PIAS2: variants seen among roughly 807,000 people sequenced by gnomAD.
The protein encoded by PIAS2 is E3 SUMO-protein ligase PIAS2.
In PIAS2, 19 loss-of-function variants were observed where a neutral mutation model predicts 69.7. That is an observed-to-expected ratio of 0.27 (90% CI 0.19 to 0.40). PIAS2 has a LOEUF of 0.40. Among genes scored for constraint, PIAS2 ranks in the 10% least tolerant of loss-of-function variants. The probability of loss-of-function intolerance (pLI) is 1.00; values close to 1 mark genes in which losing one functional copy is unlikely to be tolerated. For missense variants in PIAS2, 624 were observed against 757.0 expected (o/e 0.82, Z 2.06); for synonymous variants, 261 against 263.2 (o/e 0.99, Z 0.08).
At chr18:46,832,808 C>T (rs1420810092) in intron 9 of PIAS2, among the ~76,000 whole-genome samples, 1 of 148,582 alleles carries the variant, frequency 6.7e-6, no homozygotes, top group Admixed American at 6.8e-5. Flanking sequence ...AGGAGAATCA[C>T]TTGAACCTGG....
intron 1 of PIAS2, among the ~76,000 whole-genome samples, chr18:46,915,946 G>C (rs967551596): frequency 6.6e-6 from 1 of 152,126 alleles, no homozygotes; most frequent in African/African-American, 2.4e-5. Context: ...TTCAGGGTTC[G>C]TTGTTTGAAA....
intron 12 of PIAS2, chr18:46,817,421 T>C: frequency 8.3e-6 from 8 of 966,730 alleles, no homozygotes; most frequent in South Asian, 9.6e-5. Flanking sequence ...AAATTAAAAA[T>C]TGAAGCTCTA....
chr18:46,868,313 C>T (rs941430436), intron 2 of PIAS2, among the ~76,000 whole-genome samples: 2 of 152,196 alleles, frequency 1.3e-5, no homozygotes, highest in African/African-American at 2.4e-5. Context: ...ACTACTTCTG[C>T]CAGTCCCAAT....
rs1197709120 is a variant in PIAS2 at position 46,805,880 on chromosome 18, T to G, written c.*6553A>C. ...CATTTCTGAAATCCCATGCTTAACA[T>G]TCATCACTGTCTCCCATACATGATT... is the stretch of plus-strand genomic sequence containing the variant. On this transcript the variant is annotated 3_prime_UTR_variant, in exon 14 of 14. Coordinates refer to ENST00000585916, the MANE Select transcript of PIAS2 (RefSeq NM_004671.5). 6.6e-6 allele frequency: 1 copy of G among 152,192 alleles called. No individual in the cohort carries two copies. The highest frequency in any genetic ancestry group is 1.9e-4 in the East Asian group (1 of 5,198). 9.4% of individuals were successfully genotyped at this position (152,192 alleles called of 1,614,324 possible).
At chr18:46,913,385 T>C (rs2057467779) in intron 1 of PIAS2, among the ~76,000 whole-genome samples, 2 of 152,168 alleles carry the variant, frequency 1.3e-5, no homozygotes, top group Admixed American at 6.5e-5. Context: ...TTTACCCAGT[T>C]TGGTAAATGT....
intron 11 of PIAS2, among the ~76,000 whole-genome samples, chr18:46,825,694 T>G (rs1355525594): frequency 1.3e-5 from 2 of 152,228 alleles, no homozygotes; most frequent in African/African-American, 4.8e-5. Context: ...CTGGACACTA[T>G]GCTTATTTTA....
chr18:46,895,578 G>A (rs2054724816), intron 1 of PIAS2, among the ~76,000 whole-genome samples: 1 of 152,192 alleles, frequency 6.6e-6, no homozygotes, highest in Non-Finnish European at 1.5e-5. Flanking sequence ...GGCTGAGGCA[G>A]GAGAAATGCT....
rs2043458882 is a variant in PIAS2, at chr18:46,830,563, C to T, written c.1203-696G>A. Among the ~76,000 whole-genome samples the T allele has an allele frequency of 6.6e-5, 10 of 150,398 alleles. No homozygotes were observed. The South Asian group carries it at 2.1e-3, about 32-fold the overall frequency. On this transcript the variant is annotated intron_variant, in intron 9 of 13. Coordinates refer to ENST00000585916, the MANE Select transcript of PIAS2 (RefSeq NM_004671.5). ...GTCTCAAATCAGTAACTTTATGAAA[C>T]TAGAAAAAAAAGCAAATTATAGTAA...
chr18:46,865,599 G>C (rs896864314), intron 2 of PIAS2, among the ~76,000 whole-genome samples: 2 of 150,252 alleles, frequency 1.3e-5, no homozygotes, highest in Admixed American at 1.3e-4. Context: ...AGATAAAAAA[G>C]ATGCCAGTTG....
intron 2 of PIAS2, among the ~76,000 whole-genome samples, chr18:46,889,123 T>C (rs1010104849): frequency 6.6e-6 from 1 of 152,094 alleles, no homozygotes; most frequent in African/African-American, 2.4e-5. Flanking sequence ...CCTAAAACTA[T>C]AAAATTCTTA....
At chr18:46,888,993 A>C (rs1239456143) in intron 2 of PIAS2, among the ~76,000 whole-genome samples, 1 of 152,226 alleles carries the variant, frequency 6.6e-6, no homozygotes, top group Non-Finnish European at 1.5e-5. Context: ...GGGAAAGGAC[A>C]GGCTTTTCAA....
chr18:46,855,672 G>A, intron 3 of PIAS2, 57 bp from the exon 4 acceptor site: 1 of 1,312,416 alleles, frequency 7.6e-7, no homozygotes, highest in Non-Finnish European at 1.1e-6. Flanking sequence ...TCTCAGAACA[G>A]TCTCCCCAGG....
intron 2 of PIAS2, among the ~76,000 whole-genome samples, chr18:46,864,769 CAAA>C (rs61248600): frequency 8.0e-6 from 1 of 124,302 alleles, no homozygotes; most frequent in African/African-American, 3.0e-5. Context: ...AACTCCATCT[CAAA>C]AAAAAAAAAA....
rs570627141 is a variant in PIAS2 at position 46,865,263 on chromosome 18, G to C, written c.500-1015C>G. Among the ~76,000 whole-genome samples, 53 of 152,244 alleles carry C rather than the reference G, an allele frequency of 3.5e-4. No individual in the cohort carries two copies. In the South Asian group the frequency reaches 8.5e-3, roughly 24 times the overall value. On this transcript the variant is annotated intron_variant, in intron 2 of 13. Transcript: ENST00000585916. ...CCCAAGTAAAGGCAAAATGAGGCCG[G>C]GCACAGTGGCTCACACGTGTAATCC...
intron 1 of PIAS2, among the ~76,000 whole-genome samples, chr18:46,906,774 G>C (rs1249670663): frequency 1.2e-5 from 1 of 82,038 alleles, no homozygotes; most frequent in South Asian, 3.7e-4. Flanking sequence ...GTGTGTGTGT[G>C]GGGGGGGGGG....
chr18:46,919,045 C>G (rs1004206274), upstream of PIAS2, among the ~76,000 whole-genome samples: 1 of 149,870 alleles, frequency 6.7e-6, no homozygotes, highest in Non-Finnish European at 1.5e-5. Flanking sequence ...TGTATATATA[C>G]ACAACACACA....
intron 11 of PIAS2, among the ~76,000 whole-genome samples, chr18:46,826,380 T>C (rs2042854999): frequency 6.6e-6 from 1 of 152,180 alleles, no homozygotes. Flanking sequence ...TAGACCCTTG[T>C]GGCATGCCAC....
At chr18:46,904,006 A>G (rs990486783) in intron 1 of PIAS2, 3 of 152,226 alleles carry the variant, frequency 2.0e-5, no homozygotes, top group Non-Finnish European at 4.4e-5. Context: ...TATTTTTGAA[A>G]AGACAAAAAT....
At chr18:46,881,450 T>C (rs2052246944) in intron 2 of PIAS2, among the ~76,000 whole-genome samples, 2 of 152,242 alleles carry the variant, frequency 1.3e-5, no homozygotes, top group South Asian at 4.1e-4. Context: ...TATTGCTATA[T>C]AGATGCAATT....
Sources: gnomAD v4.1 joint callset for allele counts (sites outside exome capture counted in the v4.1 genomes callset) on GRCh38, gnomAD v4.1.1 for gene constraint, MANE v1.5 for transcripts, NCBI Gene and HGNC (gene_info 2026-07-23, HGNC 2026-07-21) for gene names.